Variants in GALNT13 observed in about 807,000 individuals in gnomAD.
The protein encoded by GALNT13 is polypeptide N-acetylgalactosaminyltransferase 13, also known as UDP-GalNAc:polypeptide N-acetylgalactosaminyltransferase 13.
In GALNT13, 28 loss-of-function variants were observed where a neutral mutation model predicts 64.2. That is an observed-to-expected ratio of 0.44 (90% CI 0.32 to 0.60). The LOEUF (loss-of-function observed/expected upper bound fraction) is 0.60, where lower values mean the gene tolerates loss of function less well. Ranked by LOEUF, GALNT13 falls within the 20% of genes least tolerant of loss-of-function variation. The probability of loss-of-function intolerance (pLI) is 0.05; values close to 1 mark genes in which losing one functional copy is unlikely to be tolerated. For synonymous variants in GALNT13, 214 were observed against 224.6 expected (o/e 0.95, Z 0.42); for missense variants, 577 against 669.8 (o/e 0.86, Z 1.53).
the GALNT13 span, among the ~76,000 whole-genome samples, chr2:153,284,173 T>C: frequency 1.3e-5 from 2 of 152,082 alleles, no homozygotes; most frequent in African/African-American, 4.8e-5. Flanking sequence ...TGCACCACAA[T>C]CTCAGGGGAA....
chr2:154,421,121 A>T (rs1262414966), intron 11 of GALNT13, among the ~76,000 whole-genome samples: 1 of 152,166 alleles, frequency 6.6e-6, no homozygotes. Context: ...ACTAGGCAAT[A>T]CTAATACTTT....
At chr2:153,538,293 T>A in the GALNT13 span, among the ~76,000 whole-genome samples, 1 of 150,076 alleles carries the variant, frequency 6.7e-6, no homozygotes, top group Non-Finnish European at 1.5e-5. Context: ...GGGTATCAGG[T>A]AGAAGAAATT....
chr2:154,081,195 C>T (rs10490535), intron 3 of GALNT13, among the ~76,000 whole-genome samples: 2 of 151,162 alleles, frequency 1.3e-5, no homozygotes, highest in Non-Finnish European at 3.0e-5. Context: ...GTTCATTTCT[C>T]GTTGCTAATC....
At chr2:153,231,293 C>T in the GALNT13 span, among the ~76,000 whole-genome samples, 4 of 152,138 alleles carry the variant, frequency 2.6e-5, no homozygotes, top group Non-Finnish European at 5.9e-5. Flanking sequence ...GGCAAATTAG[C>T]TCTAGAGTGT....
At chr2:154,359,981 A>G (rs1696972413) in intron 9 of GALNT13, among the ~76,000 whole-genome samples, 1 of 152,180 alleles carries the variant, frequency 6.6e-6, no homozygotes, top group East Asian at 1.9e-4. Context: ...CATTCCCAAA[A>G]CAACATGATT....
the GALNT13 span, among the ~76,000 whole-genome samples, chr2:153,558,724 C>A: frequency 6.6e-6 from 1 of 152,118 alleles, no homozygotes; most frequent in Non-Finnish European, 1.5e-5. Context: ...ACATGGATAA[C>A]TTCCGTTAAA....
At chr2:153,232,117 A>G in the GALNT13 span, among the ~76,000 whole-genome samples, 126,218 of 152,170 alleles carry the variant, frequency 0.83, 53,491 homozygotes, top group African/African-American at 0.9. Flanking sequence ...TTTGTTTTCA[A>G]ATCAATTTCT....
At chr2:154,360,695 C>T (rs985248597) in intron 9 of GALNT13, among the ~76,000 whole-genome samples, 1 of 151,984 alleles carries the variant, frequency 6.6e-6, no homozygotes. Context: ...TTCAGTATAT[C>T]TTTATTGAGC....
At chr2:153,345,666 T>TCTTTCTTTCTTC in the GALNT13 span, among the ~76,000 whole-genome samples, 25 of 143,138 alleles carry the variant, frequency 1.7e-4, no homozygotes, top group African/African-American at 6.6e-4. Context: ...TTTCTTTCTT[T>TCTTTCTTTCTTC]CTTTCTTTCT....
chr2:153,208,971 G>GTTTTTTTTTTTT, the GALNT13 span, among the ~76,000 whole-genome samples: 4 of 42,936 alleles, frequency 9.3e-5, no homozygotes, highest in Admixed American at 1.9e-4. Flanking sequence ...TTTGGTTTTG[G>GTTTTTTTTTTTT]TCTTTTTTTT....
At chr2:153,168,487 T>C in the GALNT13 span, among the ~76,000 whole-genome samples, 25 of 152,322 alleles carry the variant, frequency 1.6e-4, no homozygotes, top group East Asian at 4.2e-3. Flanking sequence ...ATTATGAAAT[T>C]ATTGCCACTA....
At chr2:153,331,597 C>T in the GALNT13 span, among the ~76,000 whole-genome samples, 844 of 152,168 alleles carry the variant, frequency 5.5e-3, 5 homozygotes, top group Non-Finnish European at 5.6e-3. Flanking sequence ...AAGATGTAGT[C>T]CGGGATGCTA....
chr2:153,455,645 T>A, the GALNT13 span, among the ~76,000 whole-genome samples: 16 of 152,204 alleles, frequency 1.1e-4, no homozygotes, highest in South Asian at 2.9e-3. Flanking sequence ...TACCCACGAC[T>A]CCTGAAGCCC....
chr2:154,163,293 A>C (rs1001658318), intron 4 of GALNT13, among the ~76,000 whole-genome samples: 1 of 151,936 alleles, frequency 6.6e-6, no homozygotes, highest in Non-Finnish European at 1.5e-5. Flanking sequence ...TCAAAAAATC[A>C]ATGAATCCAG....
At chr2:153,783,906 A>G in the GALNT13 span, among the ~76,000 whole-genome samples, 2 of 152,154 alleles carry the variant, frequency 1.3e-5, no homozygotes, top group Non-Finnish European at 2.9e-5. Flanking sequence ...TTCTTTATAA[A>G]TTACCCAGTC....
chr2:154,016,885 G>T (rs1480828564), intron 3 of GALNT13, among the ~76,000 whole-genome samples: 1 of 152,146 alleles, frequency 6.6e-6, no homozygotes, highest in African/African-American at 2.4e-5. Flanking sequence ...AGAGTGATCG[G>T]TCAAGGGATT....
chr2:153,434,970 C>A, the GALNT13 span, among the ~76,000 whole-genome samples: 16 of 152,052 alleles, frequency 1.1e-4, no homozygotes, highest in African/African-American at 2.9e-4. Flanking sequence ...TAGGTCTAAC[C>A]TGTAAGTCTT....
At chr2:153,496,252 C>A in the GALNT13 span, among the ~76,000 whole-genome samples, 1 of 152,084 alleles carries the variant, frequency 6.6e-6, no homozygotes, top group African/African-American at 2.4e-5. Flanking sequence ...ATGGTTTATC[C>A]TAATAGAATG....
chr2:154,444,712 G>A (rs1701476596), intron 12 of GALNT13, among the ~76,000 whole-genome samples: 1 of 152,012 alleles, frequency 6.6e-6, no homozygotes, highest in Non-Finnish European at 1.5e-5. Flanking sequence ...TATTTGCCAT[G>A]TGTTATTAAT....
Sources: allele counts gnomAD v4.1 joint callset (sites outside exome capture counted in the v4.1 genomes callset), GRCh38; gene constraint gnomAD v4.1.1; transcripts MANE v1.5; gene names NCBI Gene and HGNC (gene_info 2026-07-23, HGNC 2026-07-21).